AHCYL2: variants seen among roughly 807,000 people sequenced by gnomAD.
AHCYL2 encodes S-adenosylhomocysteine hydrolase-like protein 2.
A neutral mutation model predicts 81.4 loss-of-function variants in AHCYL2; 28 were observed. The observed-to-expected ratio is 0.34, with a 90% CI of 0.25 to 0.47. The LOEUF (loss-of-function observed/expected upper bound fraction) is 0.47, where lower values mean the gene tolerates loss of function less well. Among genes scored for constraint, AHCYL2 ranks in the 20% least tolerant of loss-of-function variants. AHCYL2 has a pLI of 1.00. For missense variants in AHCYL2, 551 were observed against 785.1 expected (o/e 0.70, Z 3.56); for synonymous variants, 272 against 290.2 (o/e 0.94, Z 0.64).
At chr7:129,408,415 A>G (rs1563241816) in intron 10 of AHCYL2, among the ~76,000 whole-genome samples, 2 of 152,232 alleles carry the variant, frequency 1.3e-5, no homozygotes, top group South Asian at 4.1e-4. Context: ...GACAACTTCA[A>G]TTCAGGAGAG....
chr7:129,241,937 T>G (rs1056960684), intron 1 of AHCYL2, among the ~76,000 whole-genome samples: 1 of 152,116 alleles, frequency 6.6e-6, no homozygotes, highest in East Asian at 1.9e-4. Context: ...ATCCCTTCTC[T>G]CCTTCCCATA....
chr7:129,331,678 C>T (rs1205317661), intron 1 of AHCYL2, among the ~76,000 whole-genome samples: 1 of 149,018 alleles, frequency 6.7e-6, no homozygotes, highest in Admixed American at 6.8e-5. Context: ...CCCGTCTCTA[C>T]TAAAAATACA....
intron 1 of AHCYL2, among the ~76,000 whole-genome samples, chr7:129,296,057 G>A (rs932571248): frequency 6.6e-6 from 1 of 152,170 alleles, no homozygotes; most frequent in East Asian, 1.9e-4. Flanking sequence ...ACTTGCCTTC[G>A]CTGCTTCAAT....
rs182631901 is a variant in AHCYL2, at chr7:129,240,309, C to T, written c.363+14870C>T. Reference sequence around the variant, plus strand: ...CACACAAACCACACACACCCTGAGACCCACCCACACACAAAAACACGGGCT... The same window carrying T: ...CACACAAACCACACACACCCTGAGATCCACCCACACACAAAAACACGGGCT... On this transcript the variant is annotated intron_variant, in intron 1 of 16. Coordinates refer to ENST00000325006, the MANE Select transcript of AHCYL2 (RefSeq NM_015328.4). Among the ~76,000 whole-genome samples the T allele has an allele frequency of 1.8e-4, 28 of 151,946 alleles. 1 individual carries two copies. In the East Asian group the frequency reaches 5.0e-3, roughly 27 times the overall value.
intron 4 of AHCYL2, among the ~76,000 whole-genome samples, chr7:129,392,127 C>A (rs1795499480): frequency 1.3e-5 from 2 of 152,068 alleles, no homozygotes; most frequent in African/African-American, 4.8e-5. Flanking sequence ...GGATTGATCA[C>A]AATTAGCTTA....
intron 1 of AHCYL2, among the ~76,000 whole-genome samples, chr7:129,249,695 G>T (rs1220750470): frequency 6.6e-6 from 1 of 152,174 alleles, no homozygotes; most frequent in Admixed American, 6.5e-5. Context: ...AAAGTGCTGG[G>T]ATTACAGGCG....
In AHCYL2 at chr7:129,305,232, C is replaced by T. The variant is rs138418650; in HGVS notation, c.364-74406C>T. Among the ~76,000 whole-genome samples the T allele has an allele frequency of 5.2e-3, 787 of 152,202 alleles. 11 individuals are homozygous for T. Among genetic ancestry groups the T allele is most frequent in the African/African-American group, 0.018 (746 of 41,538 alleles). ...ATCCCAGCACTTTGGGAGGCCGAGG[C>T]GGGCAGATCACGAGGTCAAGAGATT... On this transcript the variant is annotated intron_variant, in intron 1 of 16. Transcript: ENST00000325006.
intron 1 of AHCYL2, among the ~76,000 whole-genome samples, chr7:129,343,604 A>G (rs1207374981): frequency 2.0e-5 from 3 of 152,162 alleles, no homozygotes; most frequent in African/African-American, 7.2e-5. Context: ...TTTCTTTCCA[A>G]CAAATGGTGC....
rs1262066863 is a variant in AHCYL2, at chr7:129,409,678, A to C, written c.1366+132A>C. On this transcript the variant is annotated intron_variant, in intron 11 of 16. Transcript: ENST00000325006. The stretch of plus-strand genomic sequence containing the variant: ...GAGATAGTAGCCCACAAAGCCAGCC[A>C]GTCTTTCACATTCTTCCTAATTCTT... The C allele has an allele frequency of 4.4e-6, 3 of 686,380 alleles. No individual in the cohort carries two copies. In the East Asian group the frequency reaches 8.3e-5, roughly 19 times the overall value. The allele number at this position is 686,380 out of a possible 1,614,324, so 42.5% of individuals were successfully genotyped here.
rs182002852 is a variant in AHCYL2 at position 129,318,931 on chromosome 7, T to A, written c.364-60707T>A. Among the ~76,000 whole-genome samples, 911 of 152,036 alleles carry A rather than the reference T, an allele frequency of 6.0e-3. 9 individuals are homozygous for A. The highest frequency in any genetic ancestry group is 0.02 in the African/African-American group (846 of 41,490). ...AATTCGACTATATAATTTTTTTTTT[T>A]AATTTGGGGGTAGGGGATGGTGGCA... On this transcript the variant is annotated intron_variant, in intron 1 of 16. Coordinates refer to ENST00000325006, the MANE Select transcript of AHCYL2 (RefSeq NM_015328.4).
At chr7:129,343,176 A>C (rs1369887288) in intron 1 of AHCYL2, among the ~76,000 whole-genome samples, 2 of 152,194 alleles carry the variant, frequency 1.3e-5, no homozygotes, top group Non-Finnish European at 1.5e-5. Context: ...AGGCATGGAA[A>C]TATTAGTCAC....
At chr7:129,378,543 G>T (rs1794801784) in intron 1 of AHCYL2, among the ~76,000 whole-genome samples, 1 of 152,202 alleles carries the variant, frequency 6.6e-6, no homozygotes, top group Admixed American at 6.5e-5. Context: ...TTGTATTTAT[G>T]GAAAAATGAG....
chr7:129,409,727 G>A (rs1437084724), intron 11 of AHCYL2, among the ~76,000 whole-genome samples, 181 bp downstream of exon 11: 1 of 152,140 alleles, frequency 6.6e-6, no homozygotes, highest in Non-Finnish European at 1.5e-5. Flanking sequence ...AAAGGTATAC[G>A]ATTAGGTTAT....
chr7:129,340,567 CAAAAAAAA>C (rs569272896), intron 1 of AHCYL2, among the ~76,000 whole-genome samples: 828 of 82,226 alleles, frequency 0.01, 11 homozygotes, highest in African/African-American at 0.036. Context: ...GACTCCGTCT[CAAAAAAAA>C]AAAAAAAAAA....
intron 10 of AHCYL2, 100 bp from the exon 11 acceptor site, chr7:129,409,368 CAGCTATCT>C: frequency 1.3e-6 from 1 of 760,590 alleles, no homozygotes; most frequent in Non-Finnish European, 2.2e-6. Flanking sequence ...AAGAATAGTT[CAGCTATCT>C]CAAGAAATGA....
chr7:129,240,829 C>A (rs754813289), intron 1 of AHCYL2, among the ~76,000 whole-genome samples: 1 of 151,838 alleles, frequency 6.6e-6, no homozygotes, highest in Admixed American at 6.6e-5. Context: ...TCTGTGGGTG[C>A]GTGGGACCGA....
intron 1 of AHCYL2, among the ~76,000 whole-genome samples, chr7:129,349,048 T>C (rs1210082547): frequency 1.3e-5 from 2 of 152,220 alleles, no homozygotes; most frequent in Admixed American, 6.5e-5. Context: ...TGGCTGACTT[T>C]TATTCCTCAC....
intron 1 of AHCYL2, among the ~76,000 whole-genome samples, chr7:129,259,614 G>A (rs979346837): frequency 6.6e-6 from 1 of 152,156 alleles, no homozygotes; most frequent in Non-Finnish European, 1.5e-5. Flanking sequence ...AGAAGCTTAA[G>A]GTTCCTATTC....
In AHCYL2 at chr7:129,364,469, T is replaced by C. The variant is rs571308923; in HGVS notation, c.364-15169T>C. 7.9e-5 allele frequency among the ~76,000 whole-genome samples: 12 copies of C among 152,222 alleles called. 1 individual carries two copies. The highest frequency in any genetic ancestry group is 2.9e-4 in the African/African-American group (12 of 41,522). On this transcript the variant is annotated intron_variant, in intron 1 of 16. Transcript: ENST00000325006. ...CTGCACCTGGCTAAGTTTTGCATTT[T>C]TAGTAGAGACGGGGTTTCACCACAT...
Sources: gnomAD v4.1 joint callset for allele counts (sites outside exome capture counted in the v4.1 genomes callset) on GRCh38, gnomAD v4.1.1 for gene constraint, MANE v1.5 for transcripts, NCBI Gene and HGNC (gene_info 2026-07-23, HGNC 2026-07-21) for gene names.